The following AGBL1 variants were observed in gnomAD, a reference collection of about 807,000 sequenced individuals.
AGBL1 encodes cytosolic carboxypeptidase 4.
A neutral mutation model predicts 118.9 loss-of-function variants in AGBL1; 130 were observed. That is an observed-to-expected ratio of 1.09 (90% CI 0.95 to 1.26). AGBL1 has a LOEUF of 1.26. Ranked by LOEUF, AGBL1 falls within the 50% of genes most tolerant of loss-of-function variation. The pLI, the probability that AGBL1 is intolerant of heterozygous loss-of-function variation, is 0.00. For synonymous variants in AGBL1, 555 were observed against 478.9 expected, an observed-to-expected ratio of 1.16 and a Z score of -2.08; for missense variants, 1,584 against 1,298.1, an observed-to-expected ratio of 1.22 and a Z score of -3.38.
At chr15:86,563,925 T>C (rs1318620754) in intron 21 of AGBL1, among the ~76,000 whole-genome samples, 1 of 152,210 alleles carries the variant, frequency 6.6e-6, no homozygotes, top group African/African-American at 2.4e-5. Context: ...TGGTTTAAAG[T>C]CTGTTTTATC....
intron 21 of AGBL1, among the ~76,000 whole-genome samples, chr15:86,624,145 A>G (rs2084850629): frequency 6.6e-6 from 1 of 152,170 alleles, no homozygotes; most frequent in Non-Finnish European, 1.5e-5. Context: ...ATTGTCCTAT[A>G]ATGAATTGTC....
intron 18 of AGBL1, among the ~76,000 whole-genome samples, chr15:86,444,899 C>G (rs2082103907): frequency 6.6e-6 from 1 of 151,972 alleles, no homozygotes; most frequent in Non-Finnish European, 1.5e-5. Context: ...ATTTGGTTTC[C>G]CACAAAGTTG....
At chr15:86,396,340 CTA>C (rs1315183625) in intron 17 of AGBL1, among the ~76,000 whole-genome samples, 1 of 151,626 alleles carries the variant, frequency 6.6e-6, no homozygotes, top group Non-Finnish European at 1.5e-5. Context: ...CATTTCAGCA[CTA>C]TGATACTCCA....
chr15:86,253,252 T>C (rs1453971565), intron 7 of AGBL1, among the ~76,000 whole-genome samples: 1 of 152,092 alleles, frequency 6.6e-6, no homozygotes, highest in South Asian at 2.1e-4. Context: ...TCAACTTTTT[T>C]TTGTTTGTTT....
intron 22 of AGBL1, among the ~76,000 whole-genome samples, chr15:86,777,914 G>A (rs1373565672): frequency 6.6e-6 from 1 of 151,962 alleles, no homozygotes; most frequent in Non-Finnish European, 1.5e-5. Flanking sequence ...CTAATTATCG[G>A]GGGAAATTCA....
rs1394934209 is a variant in AGBL1, at chr15:86,194,946, C to G, written c.489-29968C>G. ...ATACAAATATACTGTCTGACAAGTT[C>G]TCTTCCACCTGTAGACACTATTTTA... On this transcript the variant is annotated intron_variant, in intron 5 of 22. Transcript: ENST00000614907. Among the ~76,000 whole-genome samples the G allele has an allele frequency of 6.6e-5, 10 of 152,190 alleles. 1 individual carries two copies. In the East Asian group the frequency reaches 1.9e-3, roughly 29 times the overall value.
At chr15:86,919,322 G>C (rs2080461090), downstream of AGBL1, among the ~76,000 whole-genome samples, 1 of 152,164 alleles carries the variant, frequency 6.6e-6, no homozygotes, top group African/African-American at 2.4e-5. Context: ...CCTGTAGTCT[G>C]ACATAAGTCA....
At chr15:86,084,712 C>T (rs1437492374) in intron 1 of AGBL1, among the ~76,000 whole-genome samples, 1 of 152,210 alleles carries the variant, frequency 6.6e-6, no homozygotes, top group Non-Finnish European at 1.5e-5. Flanking sequence ...CTCCCACTTC[C>T]TGATTTGGTG....
intron 24 of AGBL1, among the ~76,000 whole-genome samples, chr15:87,017,719 A>C (rs1033945862): frequency 6.6e-5 from 10 of 152,154 alleles, no homozygotes; most frequent in African/African-American, 2.4e-4. Flanking sequence ...CTGAAAACCC[A>C]AAAAGCCAGA....
At chr15:86,595,827 G>T (rs1305673696) in intron 21 of AGBL1, among the ~76,000 whole-genome samples, 5 of 152,008 alleles carry the variant, frequency 3.3e-5, no homozygotes, top group East Asian at 1.9e-4. Context: ...TGGGCAGGGG[G>T]CAAGGGAATG....
At chr15:86,937,656 G>A (rs1422362653) in intron 23 of AGBL1, among the ~76,000 whole-genome samples, 1 of 152,146 alleles carries the variant, frequency 6.6e-6, no homozygotes, top group Non-Finnish European at 1.5e-5. Context: ...TGAGGATGGA[G>A]GATGGAAGGA....
At chr15:86,766,504 T>C (rs977933992) in intron 22 of AGBL1, among the ~76,000 whole-genome samples, 3 of 151,950 alleles carry the variant, frequency 2.0e-5, no homozygotes, top group Non-Finnish European at 4.4e-5. Flanking sequence ...TCAACGTTTT[T>C]ATTTCATCCT....
chr15:86,376,449 G>C (rs1282528823), intron 17 of AGBL1, among the ~76,000 whole-genome samples: 1 of 152,234 alleles, frequency 6.6e-6, no homozygotes, highest in Non-Finnish European at 1.5e-5. Flanking sequence ...AGAAAGAGAT[G>C]CATAGGACAG....
intron 21 of AGBL1, among the ~76,000 whole-genome samples, chr15:86,559,111 G>T (rs2083777645): frequency 6.6e-6 from 1 of 152,076 alleles, no homozygotes. Flanking sequence ...TTCTCTACCT[G>T]TGAACCTCTA....
At chr15:86,841,819 C>T (rs1490566634) in intron 22 of AGBL1, among the ~76,000 whole-genome samples, 4 of 152,030 alleles carry the variant, frequency 2.6e-5, no homozygotes, top group South Asian at 4.2e-4. Context: ...TGCACTCCAG[C>T]CTGGGCAACA....
At chr15:86,528,366 G>A (rs530298074) in intron 19 of AGBL1, among the ~76,000 whole-genome samples, 2 of 152,302 alleles carry the variant, frequency 1.3e-5, no homozygotes, top group African/African-American at 4.8e-5. Context: ...TGGAAAATCA[G>A]GTCACTCCCA....
Position 86,262,455 on chromosome 15 carries a change from C to T in AGBL1, c.970-323C>T, listed in dbSNP as rs999064437. Among the ~76,000 whole-genome samples, 23 of 152,072 alleles carry T rather than the reference C, an allele frequency of 1.5e-4. No homozygotes were observed. The East Asian group carries it at 2.1e-3, about 14-fold the overall frequency. ...GGGACAATAATTACAATGATGCTGA[C>T]GATAGTGGCAATGAGATAAAGAATT... On this transcript the variant is annotated intron_variant, in intron 9 of 22. Transcript: ENST00000614907.
chr15:86,639,313 T>C (rs753589829), intron 21 of AGBL1, among the ~76,000 whole-genome samples: 8 of 152,124 alleles, frequency 5.3e-5, no homozygotes, highest in Non-Finnish European at 1.2e-4. Flanking sequence ...ATTAAAACTG[T>C]TGTGGTACAG....
chr15:86,799,414 G>C (rs1421872095), intron 22 of AGBL1, among the ~76,000 whole-genome samples: 1 of 152,050 alleles, frequency 6.6e-6, no homozygotes, highest in African/African-American at 2.4e-5. Flanking sequence ...GGGCGAATAG[G>C]GTGGGTGTTA....
Sources: gnomAD v4.1 joint callset for allele counts (sites outside exome capture counted in the v4.1 genomes callset) on GRCh38, gnomAD v4.1.1 for gene constraint, MANE v1.5 for transcripts, NCBI Gene and HGNC (gene_info 2026-07-23, HGNC 2026-07-21) for gene names.